The following SGCD variants were observed in gnomAD, a reference collection of about 807,000 sequenced individuals.
SGCD encodes delta-sarcoglycan.
A neutral mutation model predicts 36.6 loss-of-function variants in SGCD; 18 were observed. That is an observed-to-expected ratio of 0.49 (90% CI 0.34 to 0.73). The LOEUF (loss-of-function observed/expected upper bound fraction) is 0.73, where lower values mean the gene tolerates loss of function less well. Ranked by LOEUF, SGCD falls within the 30% of genes least tolerant of loss-of-function variation. The pLI is 0.01. For missense variants in SGCD, 387 were observed against 346.7 expected, an observed-to-expected ratio of 1.12 and a Z score of -0.92; for synonymous variants, 133 against 130.6, an observed-to-expected ratio of 1.02 and a Z score of -0.12.
chr5:155,937,530 A>G (rs1388168381), intron 1 of SGCD, among the ~76,000 whole-genome samples: 1 of 152,244 alleles, frequency 6.6e-6, no homozygotes. Flanking sequence ...AGAAAAGGCC[A>G]GAAAGGAATG....
chr5:156,346,740 GA>G (rs1203139517), intron 3 of SGCD, among the ~76,000 whole-genome samples: 1 of 151,762 alleles, frequency 6.6e-6, no homozygotes, highest in Non-Finnish European at 1.5e-5. Context: ...TTCCATTTCT[GA>G]ATTAGACTCA....
chr5:156,407,964 A>T lies in SGCD; in HGVS notation c.192+63287A>T, dbSNP rs572845114. 5.5e-4 allele frequency among the ~76,000 whole-genome samples: 83 copies of T among 152,196 alleles called. 1 individual carries two copies. Among genetic ancestry groups the T allele is most frequent in the Non-Finnish European group, 1.0e-3 (69 of 68,038 alleles). The stretch of plus-strand genomic sequence containing the variant: ...TGGAGGAGGAAGATTTTTATCCCCT[A>T]AAGTGGAGGGTGGTGGCATTTAATG... On this transcript the variant is annotated intron_variant, in intron 3 of 8. Transcript: ENST00000337851.
intron 3 of SGCD, among the ~76,000 whole-genome samples, chr5:156,466,044 T>C (rs892536078): frequency 6.6e-6 from 1 of 152,218 alleles, no homozygotes; most frequent in Non-Finnish European, 1.5e-5. Flanking sequence ...AAATCTCTCA[T>C]TTCTGTGCAG....
At chr5:156,645,444 T>G (rs559248907) in intron 6 of SGCD, among the ~76,000 whole-genome samples, 1 of 152,222 alleles carries the variant, frequency 6.6e-6, no homozygotes, top group African/African-American at 2.4e-5. Flanking sequence ...AGTATTAATA[T>G]CTCATCTCAT....
intron 7 of SGCD, among the ~76,000 whole-genome samples, chr5:156,709,384 C>T (rs370493624): frequency 2.5e-4 from 38 of 152,324 alleles, no homozygotes; most frequent in East Asian, 2.3e-3. Context: ...TTCACCTCCT[C>T]TCCATACTAA....
At chr5:156,307,968 A>G (rs180708837) in intron 3 of SGCD, among the ~76,000 whole-genome samples, 2 of 133,462 alleles carry the variant, frequency 1.5e-5, no homozygotes, top group Non-Finnish European at 3.5e-5. Context: ...CTAATTTTTT[A>G]AAAAAATATA....
intron 1 of SGCD, among the ~76,000 whole-genome samples, chr5:156,041,776 A>T (rs1759641298): frequency 6.6e-6 from 1 of 152,138 alleles, no homozygotes; most frequent in South Asian, 2.1e-4. Context: ...AATAAAATAA[A>T]CATAAAAGAG....
chr5:156,095,415 T>C (rs1761351200), intron 1 of SGCD, among the ~76,000 whole-genome samples: 1 of 152,098 alleles, frequency 6.6e-6, no homozygotes, highest in African/African-American at 2.4e-5. Flanking sequence ...GGCAAAGAGA[T>C]TGGAATTGGG....
At chr5:155,980,897 G>A (rs1165895387) in intron 1 of SGCD, among the ~76,000 whole-genome samples, 1 of 151,902 alleles carries the variant, frequency 6.6e-6, no homozygotes, top group South Asian at 2.1e-4. Flanking sequence ...AAGAAGAATT[G>A]TCAGTTGCAG....
At chr5:156,505,802 CA>C (rs556983242) in intron 3 of SGCD, among the ~76,000 whole-genome samples, 5 of 151,068 alleles carry the variant, frequency 3.3e-5, no homozygotes, top group East Asian at 1.9e-4. Flanking sequence ...CACACACACA[CA>C]CCCCTACCCC....
At chr5:156,069,789 A>C (rs1360184765) in intron 1 of SGCD, among the ~76,000 whole-genome samples, 2 of 151,582 alleles carry the variant, frequency 1.3e-5, no homozygotes, top group South Asian at 2.1e-4. Context: ...ATTTGTTTGT[A>C]TCCTCTTTTA....
chr5:155,912,999 T>C (rs1288780801), intron 1 of SGCD, among the ~76,000 whole-genome samples: 1 of 152,194 alleles, frequency 6.6e-6, no homozygotes, highest in Non-Finnish European at 1.5e-5. Flanking sequence ...ATTTTTAATC[T>C]TGGATTTTTC....
At chr5:156,506,250 G>A (rs1393702510) in intron 3 of SGCD, among the ~76,000 whole-genome samples, 4 of 152,026 alleles carry the variant, frequency 2.6e-5, no homozygotes, top group Non-Finnish European at 5.9e-5. Context: ...ATGAAAGAAA[G>A]GTAGTAACAT....
chr5:156,568,069 T>C (rs1759568945), intron 4 of SGCD, among the ~76,000 whole-genome samples: 1 of 152,196 alleles, frequency 6.6e-6, no homozygotes, highest in Non-Finnish European at 1.5e-5. Flanking sequence ...CAGGTTTATA[T>C]GGAGCTTCTA....
the SGCD span, among the ~76,000 whole-genome samples, chr5:155,824,956 G>A: frequency 1.3e-5 from 2 of 152,184 alleles, no homozygotes; most frequent in African/African-American, 4.8e-5. Context: ...CACATATAGA[G>A]ATGGAGCTAT....
At chr5:156,736,563 G>T (rs1676098223) in intron 7 of SGCD, among the ~76,000 whole-genome samples, 2 of 152,128 alleles carry the variant, frequency 1.3e-5, no homozygotes, top group Admixed American at 1.3e-4. Flanking sequence ...AATCCTCTAT[G>T]AGAGCTGGCA....
intron 6 of SGCD, among the ~76,000 whole-genome samples, chr5:156,598,596 G>T (rs1761035296): frequency 6.6e-6 from 1 of 151,778 alleles, no homozygotes; most frequent in African/African-American, 2.4e-5. Flanking sequence ...AAACAAAAAT[G>T]CCTAGGGGAA....
At chr5:155,790,619 C>T in the SGCD span, among the ~76,000 whole-genome samples, 1 of 152,024 alleles carries the variant, frequency 6.6e-6, no homozygotes, top group Non-Finnish European at 1.5e-5. Flanking sequence ...AAAGCATGAG[C>T]AATGTGGAAC....
intron 4 of SGCD, among the ~76,000 whole-genome samples, chr5:156,512,766 C>G (rs2127882293): frequency 6.6e-6 from 1 of 152,318 alleles, no homozygotes; most frequent in Admixed American, 6.5e-5. Context: ...ATCCCCCCAT[C>G]CTGCTGCATC....
Sources: gnomAD v4.1 joint callset for allele counts (sites outside exome capture counted in the v4.1 genomes callset) on GRCh38, gnomAD v4.1.1 for gene constraint, MANE v1.5 for transcripts, NCBI Gene and HGNC (gene_info 2026-07-23, HGNC 2026-07-21) for gene names.